Variants in EPN2 observed in about 807,000 individuals in gnomAD.
The protein encoded by EPN2 is epsin 2.
In EPN2, 34 loss-of-function variants were observed where a neutral mutation model predicts 61.7. That is an observed-to-expected ratio of 0.55 (90% CI 0.42 to 0.73). The LOEUF (loss-of-function observed/expected upper bound fraction) is 0.73. Among genes scored for constraint, EPN2 ranks in the 30% least tolerant of loss-of-function variants. EPN2 has a pLI of 0.00. For missense variants in EPN2, 714 were observed against 839.2 expected (o/e 0.85, Z 1.84); for synonymous variants, 349 against 353.6 (o/e 0.99, Z 0.15).
At chr17:19,249,360 T>A (rs1446580862) in intron 1 of EPN2, 1 of 152,266 alleles carries the variant, frequency 6.6e-6, no homozygotes, top group Admixed American at 6.5e-5. Flanking sequence ...CTCACTTTTT[T>A]CTGTTTGCAG....
intron 1 of EPN2, among the ~76,000 whole-genome samples, chr17:19,261,534 TC>T (rs1230513320): frequency 9.2e-5 from 14 of 152,162 alleles, no homozygotes; most frequent in Admixed American, 7.9e-4. Context: ...CTAGGCAGAG[TC>T]TTTAAATAAT....
At chr17:19,321,231 G>A (rs1408839229) in intron 7 of EPN2, among the ~76,000 whole-genome samples, 3 of 152,132 alleles carry the variant, frequency 2.0e-5, no homozygotes, top group African/African-American at 7.2e-5. Context: ...TTGACCCAGT[G>A]GCTAGGAGGT....
In EPN2 at chr17:19,333,936, C is replaced by T. The variant is rs1415153156; in HGVS notation, c.1628-20C>T. ...CACACCCTGACGGCTCAGCCTCTGCCCCTCCTTCTGTCTCCCCAGGTGCTC... is the reference window on the plus strand; with the variant it reads ...CACACCCTGACGGCTCAGCCTCTGCTCCTCCTTCTGTCTCCCCAGGTGCTC... On this transcript the variant is annotated intron_variant, in intron 10 of 10. Coordinates refer to ENST00000314728, the MANE Select transcript of EPN2 (RefSeq NM_014964.5). 6.6e-7 allele frequency: 1 copy of T among 1,515,206 alleles called. No individual in the cohort carries two copies. Among genetic ancestry groups the T allele is most frequent in the South Asian group, 1.4e-5 (1 of 73,802 alleles). 93.9% of individuals were successfully genotyped at this position (1,515,206 alleles called of 1,614,324 possible). A position where few individuals can be genotyped will look rare whatever the true frequency, so the allele number is the denominator to read the frequency against.
chr17:19,325,396 G>A (rs1355903493), intron 7 of EPN2, among the ~76,000 whole-genome samples: 1 of 152,180 alleles, frequency 6.6e-6, no homozygotes, highest in African/African-American at 2.4e-5. Context: ...TTTCAAAGAT[G>A]TACATTATGA....
intron 1 of EPN2, among the ~76,000 whole-genome samples, chr17:19,279,517 C>T (rs530114977): frequency 2.0e-5 from 3 of 151,754 alleles, no homozygotes; most frequent in African/African-American, 4.8e-5. Flanking sequence ...CAGCTCACTG[C>T]AAGCTCTGCC....
intron 1 of EPN2, among the ~76,000 whole-genome samples, chr17:19,264,640 G>C (rs954963832): frequency 2.6e-5 from 4 of 152,172 alleles, no homozygotes; most frequent in African/African-American, 4.8e-5. Context: ...AATATTCATA[G>C]GCCATGTTTT....
In EPN2 at chr17:19,263,070, T is replaced by G. The variant is rs192394913; in HGVS notation, c.-293-18885T>G. Among the ~76,000 whole-genome samples, 305 of 152,342 alleles carry G rather than the reference T, an allele frequency of 2.0e-3. 3 individuals carry two copies. Among genetic ancestry groups the G allele is most frequent in the Middle Eastern group, 0.017 (5 of 294 alleles). On this transcript the variant is annotated intron_variant, in intron 1 of 10. Transcript: ENST00000314728. ...ACATGAGTCCCTGTGTAGACATGCT[T>G]TCCTGTCTCTGGATAGATAAGGAGG...
intron 7 of EPN2, among the ~76,000 whole-genome samples, chr17:19,327,365 A>G (rs1906929964): frequency 6.6e-6 from 1 of 152,190 alleles, no homozygotes; most frequent in Non-Finnish European, 1.5e-5. Context: ...GAATGCTTCT[A>G]TTCATATAAA....
intron 4 of EPN2, among the ~76,000 whole-genome samples, chr17:19,290,854 T>C (rs1338686243): frequency 2.0e-5 from 3 of 152,204 alleles, no homozygotes; most frequent in African/African-American, 4.8e-5. Context: ...GGCTGCTGCC[T>C]GCAGCCGGGT....
intron 4 of EPN2, among the ~76,000 whole-genome samples, chr17:19,301,708 C>A (rs1905528123): frequency 6.6e-6 from 1 of 152,232 alleles, no homozygotes; most frequent in Admixed American, 6.5e-5. Flanking sequence ...AGTGCCCCTG[C>A]CCTTTTGCCG....
rs141210760 is a variant in EPN2 at position 19,311,830 on chromosome 17, G to A, written c.880-222G>A. Among the ~76,000 whole-genome samples the A allele has an allele frequency of 1.1e-4, 17 of 152,358 alleles. No homozygotes were observed. The East Asian group carries it at 3.3e-3, about 29-fold the overall frequency. On this transcript the variant is annotated intron_variant, in intron 5 of 10. Coordinates refer to ENST00000314728, the MANE Select transcript of EPN2 (RefSeq NM_014964.5). ...GTACCTGAGCCATAGTCTCCCTGGTGTGACCCCACAGGGGTCCAAGTCACA... is the reference window on the plus strand; with the variant it reads ...GTACCTGAGCCATAGTCTCCCTGGTATGACCCCACAGGGGTCCAAGTCACA...
chr17:19,263,986 C>T (rs952633235), intron 1 of EPN2, among the ~76,000 whole-genome samples: 16 of 152,146 alleles, frequency 1.1e-4, no homozygotes, highest in African/African-American at 2.2e-4. Context: ...CTTGGCCTCT[C>T]GGCACAAGTT....
intron 1 of EPN2, chr17:19,276,411 C>G (rs1452760612): frequency 8.7e-6 from 1 of 114,540 alleles, no homozygotes; most frequent in East Asian, 3.3e-4. Context: ...GAGGTCTCAC[C>G]ATGTTGTCCA....
chr17:19,316,386 A>ACCAGTCAC (rs1156245273), intron 7 of EPN2, among the ~76,000 whole-genome samples: 2 of 152,218 alleles, frequency 1.3e-5, no homozygotes, highest in Admixed American at 1.3e-4. Flanking sequence ...ACTTGGCATT[A>ACCAGTCAC]TTACCAGTGA....
Position 19,285,012 on chromosome 17 carries a change from C to T in EPN2, c.596-608C>T, listed in dbSNP as rs1246132462. Among the ~76,000 whole-genome samples, 1 of 152,136 alleles carries T rather than the reference C, an allele frequency of 6.6e-6. No homozygotes were observed. Among genetic ancestry groups the T allele is most frequent in the Admixed American group, 6.5e-5 (1 of 15,278 alleles). ...GCCTCAATGCAGGGTTAAATTGCAC[C>T]AAAACAAATGAAGATTGCCCTTTAA... On this transcript the variant is annotated intron_variant, in intron 3 of 10. Coordinates refer to ENST00000314728, the MANE Select transcript of EPN2 (RefSeq NM_014964.5). The surrounding 1 kb of genome is among the most constrained non-coding windows in gnomAD (Gnocchi z 4.5).
chr17:19,265,827 C>T (rs1209420623), intron 1 of EPN2, among the ~76,000 whole-genome samples: 2 of 152,198 alleles, frequency 1.3e-5, no homozygotes, highest in Non-Finnish European at 2.9e-5. Context: ...TATGCTGCCT[C>T]CTGCCTTCGT....
chr17:19,268,881 A>G (rs1567848589), intron 1 of EPN2, among the ~76,000 whole-genome samples: 1 of 151,842 alleles, frequency 6.6e-6, no homozygotes, highest in East Asian at 2.0e-4. Flanking sequence ...GCTGGGGAAG[A>G]CTGCATACTG....
chr17:19,329,456 G>T, intron 8 of EPN2, 105 bp from the exon 9 acceptor site: 1 of 671,868 alleles, frequency 1.5e-6, no homozygotes. Context: ...GGTAAGCGGG[G>T]AGAGGCCCCT....
intron 4 of EPN2, among the ~76,000 whole-genome samples, chr17:19,309,225 C>T (rs1470012849): frequency 1.3e-5 from 2 of 151,790 alleles, no homozygotes; most frequent in East Asian, 1.9e-4. Context: ...TCACTGCAAC[C>T]TCCATATCCC....
Sources: gnomAD v4.1 joint callset for allele counts (sites outside exome capture counted in the v4.1 genomes callset) on GRCh38, gnomAD v4.1.1 for gene constraint, Gnocchi (gnomAD v3.1) non-coding constraint, MANE v1.5 for transcripts, NCBI Gene and HGNC (gene_info 2026-07-23, HGNC 2026-07-21) for gene names.